GABRG3: variants seen among roughly 807,000 people sequenced by gnomAD.
The protein encoded by GABRG3 is gamma-aminobutyric acid receptor subunit gamma-3.
Under a neutral mutation model 48.8 loss-of-function variants are expected in GABRG3, and 25 were observed. That is an observed-to-expected ratio of 0.51 (90% CI 0.37 to 0.72). GABRG3 has a LOEUF of 0.72. GABRG3 is among the 30% of genes least tolerant of loss of function. The pLI, the probability that GABRG3 is intolerant of heterozygous loss-of-function variation, is 0.00. For missense variants in GABRG3, 394 were observed against 577.9 expected (o/e 0.68, Z 3.26); for synonymous variants, 227 against 217.6 (o/e 1.04, Z -0.38).
At chr15:27,477,514 T>G (rs1889975367) in intron 5 of GABRG3, among the ~76,000 whole-genome samples, 1 of 152,184 alleles carries the variant, frequency 6.6e-6, no homozygotes, top group Admixed American at 6.5e-5. Context: ...TCATTATTCA[T>G]TTGTCCAAAC....
intron 3 of GABRG3, among the ~76,000 whole-genome samples, chr15:27,248,803 C>CACACAGAGAGAGAGAG (rs1377080195): frequency 2.1e-3 from 229 of 110,182 alleles, no homozygotes; most frequent in African/African-American, 8.4e-3. Flanking sequence ...CACACACACA[C>CACACAGAGAGAGAGAG]AGAGAGAGAG....
intron 6 of GABRG3, among the ~76,000 whole-genome samples, chr15:27,519,726 C>T (rs938954353): frequency 4.6e-5 from 7 of 152,164 alleles, no homozygotes; most frequent in Non-Finnish European, 1.0e-4. Flanking sequence ...TGTGTTCTCA[C>T]TCTATCCGTG....
rs528610355 is a variant in GABRG3, at chr15:27,254,765, G to T, written c.271-72044G>T. The stretch of plus-strand genomic sequence containing the variant: ...AGATAGATTTCAATGTATGAATTTG[G>T]GGGGGACACAAACACCCAGGTCATA... On this transcript the variant is annotated intron_variant, in intron 3 of 9. Transcript: ENST00000615808. Among the ~76,000 whole-genome samples, 5 of 152,174 alleles carry T rather than the reference G, an allele frequency of 3.3e-5. No homozygotes were observed. In the South Asian group the frequency reaches 6.2e-4, roughly 19 times the overall value.
intron 5 of GABRG3, among the ~76,000 whole-genome samples, chr15:27,455,719 T>A (rs914204175): frequency 1.3e-5 from 2 of 151,118 alleles, no homozygotes; most frequent in Non-Finnish European, 2.9e-5. Context: ...GTGCATGCTA[T>A]GTGTGGTTTG....
intron 3 of GABRG3, among the ~76,000 whole-genome samples, chr15:27,090,340 A>G (rs943769705): frequency 5.3e-5 from 8 of 152,210 alleles, no homozygotes; most frequent in African/African-American, 1.9e-4. Context: ...TACTTAAAGT[A>G]TTTTCAGCAT....
chr15:27,002,352 C>G (rs1168206347), intron 2 of GABRG3, among the ~76,000 whole-genome samples: 1 of 152,148 alleles, frequency 6.6e-6, no homozygotes, highest in African/African-American at 2.4e-5. Context: ...AGCAAGCTAT[C>G]CTTCAAAGAT....
At chr15:27,181,426 G>A (rs561639740) in intron 3 of GABRG3, among the ~76,000 whole-genome samples, 2 of 152,278 alleles carry the variant, frequency 1.3e-5, no homozygotes, top group African/African-American at 2.4e-5. Flanking sequence ...AAATGGCTGC[G>A]GATGCTGCAG....
chr15:27,319,070 AAAAAT>A lies in GABRG3; in HGVS notation c.271-7734_271-7730del, dbSNP rs1893331735. Among the ~76,000 whole-genome samples the A allele has an allele frequency of 6.6e-6, 1 of 152,214 alleles. No homozygotes were observed. The highest frequency in any genetic ancestry group is 1.5e-5 in the Non-Finnish European group (1 of 68,030). ...ATCATAAATGTTCTCACCACCATAA[AAAAAT>A]AAAAGGCAACTGTGAGGTGATGGAT... On this transcript the variant is annotated intron_variant, in intron 3 of 9. Coordinates refer to ENST00000615808, the MANE Select transcript of GABRG3 (RefSeq NM_033223.5). This position sits in a 1 kb window ranked among gnomAD's most constrained non-coding sequence, Gnocchi z 4.4.
At chr15:27,063,543 G>A (rs1896687475) in intron 3 of GABRG3, among the ~76,000 whole-genome samples, 1 of 152,222 alleles carries the variant, frequency 6.6e-6, no homozygotes, top group Admixed American at 6.5e-5. Context: ...CCCTGACCAT[G>A]TGATGCGCCT....
At chr15:27,408,055 T>C (rs1296798330) in intron 5 of GABRG3, among the ~76,000 whole-genome samples, 1 of 152,154 alleles carries the variant, frequency 6.6e-6, no homozygotes, top group Non-Finnish European at 1.5e-5. Context: ...AGGGCCTCCA[T>C]GGGGTATCTC....
intron 3 of GABRG3, among the ~76,000 whole-genome samples, chr15:27,304,611 T>C (rs1892329874): frequency 1.3e-5 from 2 of 151,932 alleles, no homozygotes; most frequent in African/African-American, 2.4e-5. Context: ...CATGACTGCA[T>C]GACTCTGACC....
At chr15:26,996,662 T>A (rs1895346334) in intron 2 of GABRG3, among the ~76,000 whole-genome samples, 1 of 150,300 alleles carries the variant, frequency 6.7e-6, no homozygotes, top group African/African-American at 2.4e-5. Flanking sequence ...TATTTTAATT[T>A]TTTTTGAGAC....
intron 3 of GABRG3, among the ~76,000 whole-genome samples, chr15:27,042,231 C>A (rs888306108): frequency 6.6e-6 from 1 of 152,154 alleles, no homozygotes; most frequent in Admixed American, 6.5e-5. Flanking sequence ...GAGAAGCTCC[C>A]GAATCCCCAC....
chr15:27,448,154 T>C (rs1211899199), intron 5 of GABRG3, among the ~76,000 whole-genome samples: 1 of 152,168 alleles, frequency 6.6e-6, no homozygotes, highest in East Asian at 1.9e-4. Context: ...GGGTGACAAC[T>C]GATATTTTTT....
chr15:27,117,377 A>T (rs560338846), intron 3 of GABRG3, among the ~76,000 whole-genome samples: 1 of 152,156 alleles, frequency 6.6e-6, no homozygotes. Context: ...AGGTGCAGAT[A>T]CTAGCAGACC....
intron 3 of GABRG3, among the ~76,000 whole-genome samples, chr15:27,050,109 G>C (rs371834073): frequency 6.6e-6 from 1 of 152,152 alleles, no homozygotes; most frequent in African/African-American, 2.4e-5. Context: ...GGTACATCCC[G>C]TTCTGATACC....
chr15:27,025,083 T>C (rs1023010413), intron 2 of GABRG3, among the ~76,000 whole-genome samples: 18 of 151,470 alleles, frequency 1.2e-4, no homozygotes, highest in African/African-American at 4.4e-4. Flanking sequence ...TGGCATTTTG[T>C]GAGTGTGTGT....
At chr15:27,530,794 C>T in intron 9 of GABRG3, 1 of 459,660 alleles carries the variant, frequency 2.2e-6, no homozygotes, top group Non-Finnish European at 4.5e-6. Context: ...CCAGTTCCAT[C>T]CACATAGCAA....
intron 3 of GABRG3, among the ~76,000 whole-genome samples, chr15:27,147,605 T>C (rs1254957616): frequency 6.6e-6 from 1 of 151,898 alleles, no homozygotes; most frequent in East Asian, 1.9e-4. Context: ...TTTGAAATAA[T>C]TGAAATCATA....
Sources: gnomAD v4.1 joint callset for allele counts (sites outside exome capture counted in the v4.1 genomes callset) on GRCh38, gnomAD v4.1.1 for gene constraint, Gnocchi (gnomAD v3.1) non-coding constraint, MANE v1.5 for transcripts, NCBI Gene and HGNC (gene_info 2026-07-23, HGNC 2026-07-21) for gene names.